PALD1: variants seen among roughly 807,000 people sequenced by gnomAD.
The protein encoded by PALD1 is paladin.
In PALD1, 57 loss-of-function variants were observed where a neutral mutation model predicts 96.0. That is an observed-to-expected ratio of 0.59 (90% confidence interval 0.48 to 0.74). The LOEUF is 0.74. Ranked by LOEUF, PALD1 falls within the 30% of genes least tolerant of loss-of-function variation. The pLI, the probability that PALD1 is intolerant of heterozygous loss-of-function variation, is 0.00. For synonymous variants in PALD1, 464 were observed against 473.6 expected (o/e 0.98, Z 0.26); for missense variants, 1,063 against 1,143.7 (o/e 0.93, Z 1.02).
intron 1 of PALD1, among the ~76,000 whole-genome samples, chr10:70,502,265 G>A (rs1846314045): frequency 6.6e-6 from 1 of 152,182 alleles, no homozygotes; most frequent in Non-Finnish European, 1.5e-5. Flanking sequence ...GAATCATGTA[G>A]TATTTGCTTA....
At chr10:70,552,971 C>T (rs946122169) in intron 18 of PALD1, among the ~76,000 whole-genome samples, 4 of 152,158 alleles carry the variant, frequency 2.6e-5, no homozygotes, top group South Asian at 2.1e-4. Flanking sequence ...AGTTGCACCC[C>T]TAGGTTTAAG....
At chr10:70,493,351 G>A (rs1846130374) in intron 1 of PALD1, among the ~76,000 whole-genome samples, 2 of 152,348 alleles carry the variant, frequency 1.3e-5, no homozygotes, top group East Asian at 3.9e-4. Flanking sequence ...ACCCGTGAAG[G>A]AGGTCTGTGA....
At chr10:70,562,236 A>C (rs1847755005) in intron 18 of PALD1, among the ~76,000 whole-genome samples, 1 of 152,174 alleles carries the variant, frequency 6.6e-6, no homozygotes, top group South Asian at 2.1e-4. Context: ...CCTCTTGGGC[A>C]CAGCCTGCTG....
chr10:70,467,489 T>C, the PALD1 span, among the ~76,000 whole-genome samples: 1 of 151,962 alleles, frequency 6.6e-6, no homozygotes, highest in African/African-American at 2.4e-5. Flanking sequence ...GTCGGGTTCA[T>C]GTGTGGAGAA....
chr10:70,567,705 G>C lies in PALD1; in HGVS notation c.*972G>C, dbSNP rs1847881858. 6.5e-6 allele frequency: 1 copy of C among 152,902 alleles called. No individual in the cohort carries two copies. Among genetic ancestry groups the C allele is most frequent in the South Asian group, 2.1e-4 (1 of 4,822 alleles). 9.5% of individuals were successfully genotyped at this position (152,902 alleles called of 1,614,324 possible). ...AGGGTGGTGGGAGGGGATCACCTGG[G>C]TTCCAGGCCATCCTTGCTGAGCATC... On this transcript the variant is annotated 3_prime_UTR_variant, in exon 20 of 20. Transcript: ENST00000263563.
intron 1 of PALD1, among the ~76,000 whole-genome samples, chr10:70,509,991 G>T (rs914174844): frequency 2.0e-5 from 3 of 152,212 alleles, no homozygotes; most frequent in African/African-American, 4.8e-5. Flanking sequence ...CTCTTGGAAA[G>T]TCAGGGCTGG....
At chr10:70,528,019 G>T (rs1417129246) in intron 2 of PALD1, among the ~76,000 whole-genome samples, 1 of 151,956 alleles carries the variant, frequency 6.6e-6, no homozygotes, top group Non-Finnish European at 1.5e-5. Flanking sequence ...CTATGAGTGA[G>T]AACATGCGGT....
intron 1 of PALD1, among the ~76,000 whole-genome samples, chr10:70,522,905 G>A (rs570668291): frequency 1.3e-5 from 2 of 152,340 alleles, no homozygotes; most frequent in African/African-American, 4.8e-5. Context: ...GGCCCAGAGA[G>A]GGGAAGGAAG....
Position 70,558,856 on chromosome 10 carries a change from C to G in PALD1, c.2263-5508C>G, listed in dbSNP as rs116628308. Among the ~76,000 whole-genome samples, 150 of 152,210 alleles carry G rather than the reference C, an allele frequency of 9.9e-4. 3 individuals are homozygous for G. The South Asian group carries it at 0.03, about 30-fold the overall frequency. ...AAGAGAAGTGCTGGTTGCAAGGAGA[C>G]AGAGGCTGGCTGGGGATTTTTTAGG... On this transcript the variant is annotated intron_variant, in intron 18 of 19. Coordinates refer to ENST00000263563, the MANE Select transcript of PALD1 (RefSeq NM_014431.3).
intron 1 of PALD1, 114 bp from the exon 2 acceptor site, chr10:70,525,809 C>T (rs1326062209): frequency 1.3e-6 from 1 of 792,056 alleles, no homozygotes; most frequent in Non-Finnish European, 2.1e-6. Context: ...GCCTCTGTCT[C>T]CAGCTGCAGA....
chr10:70,558,548 C>T lies in PALD1; in HGVS notation c.2263-5816C>T, dbSNP rs529624711. On this transcript the variant is annotated intron_variant, in intron 18 of 19. Transcript: ENST00000263563. ...TCTGCACTCTAGTGACGGAGATCTG[C>T]GGCAGGCAGCACACACATCAGGGCC... Among the ~76,000 whole-genome samples the T allele has an allele frequency of 1.5e-4, 23 of 152,210 alleles. No individual in the cohort carries two copies. In the East Asian group the frequency reaches 2.3e-3, roughly 15 times the overall value.
chr10:70,458,658 G>A, the PALD1 span, among the ~76,000 whole-genome samples: 1 of 152,224 alleles, frequency 6.6e-6, no homozygotes, highest in Non-Finnish European at 1.5e-5. Context: ...CCGCCGCCGG[G>A]GCCGGGACAA....
intron 17 of PALD1, among the ~76,000 whole-genome samples, chr10:70,544,086 T>G (rs927783928): frequency 6.6e-6 from 1 of 152,028 alleles, no homozygotes; most frequent in Non-Finnish European, 1.5e-5. Context: ...CCACAGTCTG[T>G]TGGGGAGAAA....
intron 1 of PALD1, among the ~76,000 whole-genome samples, chr10:70,521,003 T>G (rs1846723044): frequency 1.3e-5 from 2 of 152,184 alleles, no homozygotes; most frequent in Non-Finnish European, 2.9e-5. Flanking sequence ...GTTTCTTTTC[T>G]GACTGCCATG....
intron 1 of PALD1, among the ~76,000 whole-genome samples, chr10:70,492,536 A>G (rs1480188859): frequency 7.4e-6 from 1 of 134,708 alleles, no homozygotes; most frequent in East Asian, 2.5e-4. Context: ...GGCTCACTGC[A>G]GTCTCTGCCT....
rs146140803 is a variant in PALD1, at chr10:70,532,644, C to T, written c.657C>T (p.Ser219=). 6.1e-4 allele frequency: 989 copies of T among 1,614,100 alleles called. 10 individuals are homozygous for T. In the South Asian group the frequency reaches 8.9e-3, roughly 14 times the overall value. ...RKEIHDFAQL[S]ENTYHVYHNT... ...AGATCCACGACTTTGCCCAGCTGAGCGAGAACACATACCATGTGTACCATA... is the reference window on the plus strand; with the variant it reads ...AGATCCACGACTTTGCCCAGCTGAGTGAGAACACATACCATGTGTACCATA... The change falls in exon 6 of 20, where the codon AGC becomes AGT. Residue 219 remains serine, a synonymous_variant. Transcript: ENST00000263563.
At chr10:70,566,495 GC>G in intron 19 of PALD1, 85 bp from the exon 20 acceptor site, 1 of 1,021,032 alleles carries the variant, frequency 9.8e-7, no homozygotes, top group South Asian at 1.4e-5. Flanking sequence ...AAGTTCACAG[GC>G]CACAGACTCA....
chr10:70,549,435 C>T (rs1847434264), intron 18 of PALD1, among the ~76,000 whole-genome samples: 1 of 152,256 alleles, frequency 6.6e-6, no homozygotes, highest in South Asian at 2.1e-4. Flanking sequence ...ATAGGCCCCC[C>T]TTCCTCTGAG....
Position 70,547,457 on chromosome 10 carries a change from A to AAACC in PALD1, c.2262+11_2262+12insAACC. 6 of 1,016,460 alleles carry AAACC rather than the reference A, an allele frequency of 5.9e-6. No homozygotes were observed. The highest frequency in any genetic ancestry group is 6.8e-6 in the Non-Finnish European group (5 of 730,174). 63.0% of individuals were successfully genotyped at this position (1,016,460 alleles called of 1,614,324 possible). Reference sequence around the variant, plus strand: ...TGCACCTACCGCCAGGTGAGCCCCCACCCCACCCCACCCCACCCTGCCCCA... The same window carrying AAACC: ...TGCACCTACCGCCAGGTGAGCCCCCAAACCCCCCACCCCACCCCACCCTGCCCCA... On this transcript the variant is annotated intron_variant, in intron 18 of 19. Coordinates refer to ENST00000263563, the MANE Select transcript of PALD1 (RefSeq NM_014431.3).
Sources: gnomAD v4.1 joint callset for allele counts (sites outside exome capture counted in the v4.1 genomes callset) on GRCh38, gnomAD v4.1.1 for gene constraint, MANE v1.5 for transcripts, NCBI Gene and HGNC (gene_info 2026-07-23, HGNC 2026-07-21) for gene names.